Variants in NINJ2 observed in about 807,000 individuals in gnomAD.
NINJ2 encodes the protein ninjurin-2.
Under a neutral mutation model 11.7 loss-of-function variants are expected in NINJ2, and 12 were observed. The observed-to-expected ratio is 1.02, with a 90% CI of 0.66 to 1.66. The LOEUF (loss-of-function observed/expected upper bound fraction) is 1.66, where lower values mean the gene tolerates loss of function less well. Among genes scored for constraint, NINJ2 ranks in the 40% most tolerant of loss-of-function variants. NINJ2 has a pLI of 0.00. For missense variants in NINJ2, 187 were observed against 181.8 expected, an observed-to-expected ratio of 1.03 and a Z score of -0.16; for synonymous variants, 93 against 76.8, an observed-to-expected ratio of 1.21 and a Z score of -1.10.
At chr12:657,988 C>CTTTTT (rs1164230214) in intron 1 of NINJ2, among the ~76,000 whole-genome samples, 8 of 54,398 alleles carry the variant, frequency 1.5e-4, no homozygotes, top group Admixed American at 3.0e-4. Flanking sequence ...CCTACACAGG[C>CTTTTT]TTTTTTTTTT....
At chr12:589,798 C>A (rs1046318952) in intron 1 of NINJ2, among the ~76,000 whole-genome samples, 3 of 151,764 alleles carry the variant, frequency 2.0e-5, no homozygotes, top group Non-Finnish European at 4.4e-5. Context: ...GGCTCCTGCT[C>A]TCAAGAAACT....
At chr12:599,452 T>C (rs1947835862) in intron 1 of NINJ2, among the ~76,000 whole-genome samples, 2 of 152,034 alleles carry the variant, frequency 1.3e-5, no homozygotes, top group Admixed American at 1.3e-4. Context: ...ATCTTAGACA[T>C]TTGAGGGGGT....
chr12:615,022 G>A lies in NINJ2; in HGVS notation c.33+48306C>T, dbSNP rs963961117. Among the ~76,000 whole-genome samples the A allele has an allele frequency of 2.6e-5, 4 of 152,162 alleles. 1 individual carries two copies. In the South Asian group the frequency reaches 6.2e-4, roughly 24 times the overall value. ...CACAGGAGGATTCTGCACTCCCATG[G>A]TCTCTCTGAAGAGTCGGGAGAGCGG... is the stretch of plus-strand genomic sequence containing the variant. On this transcript the variant is annotated intron_variant, in intron 1 of 3. Coordinates refer to ENST00000305108, the MANE Select transcript of NINJ2 (RefSeq NM_016533.6).
intron 1 of NINJ2, among the ~76,000 whole-genome samples, chr12:635,248 G>T (rs1469589137): frequency 6.6e-6 from 1 of 151,988 alleles, no homozygotes; most frequent in South Asian, 2.1e-4. Context: ...ACAGGGTTTC[G>T]CCATGTTGGC....
In NINJ2 at chr12:638,854, T is replaced by C. The variant is rs377648838; in HGVS notation, c.33+24474A>G. Among the ~76,000 whole-genome samples, 105 of 152,356 alleles carry C rather than the reference T, an allele frequency of 6.9e-4. 1 individual carries two copies. In the South Asian group the frequency reaches 0.015, roughly 22 times the overall value. ...ATGCTCCACCCTGCTTTAGCACCTA[T>C]GTTCCCTCCCACATCCAGTACACAG... is the stretch of plus-strand genomic sequence containing the variant. On this transcript the variant is annotated intron_variant, in intron 1 of 3. Transcript: ENST00000305108.
chr12:611,253 C>T (rs751024214), intron 1 of NINJ2, among the ~76,000 whole-genome samples: 10,702 of 83,192 alleles, frequency 0.13, 515 homozygotes, highest in Middle Eastern at 0.21. Context: ...CTTTCTCTCT[C>T]TCTCTTTCTT....
At position 581,518 on chromosome 12, in the gene NINJ2, A is replaced by G. The variant is rs1029806852; in HGVS notation, c.34-15340T>C. ...TTTTCCCTGCCAGCAAAGCAGGTCCAGCCTGGATCCTCATACCGGGGCTCT... is the reference window on the plus strand; with the variant it reads ...TTTTCCCTGCCAGCAAAGCAGGTCCGGCCTGGATCCTCATACCGGGGCTCT... On this transcript the variant is annotated intron_variant, in intron 1 of 3. Coordinates refer to ENST00000305108, the MANE Select transcript of NINJ2 (RefSeq NM_016533.6). This position sits in a 1 kb window ranked among gnomAD's most constrained non-coding sequence, Gnocchi z 4.9. Among the ~76,000 whole-genome samples, 1 of 152,178 alleles carries G rather than the reference A, an allele frequency of 6.6e-6. No individual in the cohort carries two copies. The highest frequency in any genetic ancestry group is 6.5e-5 in the Admixed American group (1 of 15,278).
chr12:635,271 G>C (rs576625590), intron 1 of NINJ2, among the ~76,000 whole-genome samples: 1 of 152,130 alleles, frequency 6.6e-6, no homozygotes, highest in Admixed American at 6.5e-5. Flanking sequence ...GGCTGGTCTT[G>C]AACTCCTGAC....
intron 1 of NINJ2, among the ~76,000 whole-genome samples, chr12:620,518 A>C (rs1030731155): frequency 5.9e-5 from 9 of 152,262 alleles, no homozygotes; most frequent in African/African-American, 2.2e-4. Context: ...AAAAAGTATT[A>C]CTGAATGCAT....
intron 1 of NINJ2, among the ~76,000 whole-genome samples, chr12:569,559 C>G (rs1347730311): frequency 6.6e-6 from 1 of 152,176 alleles, no homozygotes; most frequent in East Asian, 1.9e-4. Context: ...AGACCCCCTT[C>G]CCCCCAAATG....
At position 627,790 on chromosome 12, in the gene NINJ2, C is replaced by T. The variant is rs773816935; in HGVS notation, c.33+35538G>A. ...TGGAGCTGGGCACAGTGGCGCATGCCTGTAATCCCTGGGCACAGTGGTGCA... is the reference window on the plus strand; with the variant it reads ...TGGAGCTGGGCACAGTGGCGCATGCTTGTAATCCCTGGGCACAGTGGTGCA... On this transcript the variant is annotated intron_variant, in intron 1 of 3. Transcript: ENST00000305108. Among the ~76,000 whole-genome samples the T allele has an allele frequency of 1.2e-4, 18 of 152,332 alleles. 1 individual carries two copies. In the South Asian group the frequency reaches 3.7e-3, roughly 32 times the overall value.
rs1336672163 is a variant in NINJ2 at position 633,815 on chromosome 12, A to C, written c.33+29513T>G. On this transcript the variant is annotated intron_variant, in intron 1 of 3. Coordinates refer to ENST00000305108, the MANE Select transcript of NINJ2 (RefSeq NM_016533.6). The surrounding 1 kb of genome is among the most constrained non-coding windows in gnomAD (Gnocchi z 4.3). Reference sequence around the variant, plus strand: ...GGGTAACAGAGTGAGATTGTGTAAAAAAAACAAACCACTTTAGAGTTTTCC... The same window carrying C: ...GGGTAACAGAGTGAGATTGTGTAAACAAAACAAACCACTTTAGAGTTTTCC... Among the ~76,000 whole-genome samples, 1 of 152,150 alleles carries C rather than the reference A, an allele frequency of 6.6e-6. No individual in the cohort carries two copies. The highest frequency in any genetic ancestry group is 1.5e-5 in the Non-Finnish European group (1 of 68,024).
intron 1 of NINJ2, among the ~76,000 whole-genome samples, chr12:576,180 C>T (rs1290636553): frequency 6.6e-6 from 1 of 152,232 alleles, no homozygotes; most frequent in Non-Finnish European, 1.5e-5. Context: ...AGTTCCAGCC[C>T]TTGCCCCGAG....
chr12:655,857 G>A (rs1937865557), intron 1 of NINJ2, among the ~76,000 whole-genome samples: 1 of 151,988 alleles, frequency 6.6e-6, no homozygotes, highest in Non-Finnish European at 1.5e-5. Flanking sequence ...AGTTTGCAGT[G>A]AGCTGAGATT....
chr12:602,944 C>T (rs1947890969), intron 1 of NINJ2, among the ~76,000 whole-genome samples: 1 of 152,056 alleles, frequency 6.6e-6, no homozygotes. Flanking sequence ...GTGATCCTCC[C>T]ACCCCAACCT....
intron 1 of NINJ2, 117 bp downstream of exon 1, chr12:663,211 T>C (rs1310139188): frequency 5.8e-6 from 5 of 863,040 alleles, no homozygotes; most frequent in African/African-American, 1.7e-5. Context: ...GAGAAGGGAG[T>C]GAGTAAGAAG....
chr12:635,607 G>A (rs1355937748), intron 1 of NINJ2, among the ~76,000 whole-genome samples: 1 of 152,166 alleles, frequency 6.6e-6, no homozygotes, highest in African/African-American at 2.4e-5. Flanking sequence ...ACCTAAACTT[G>A]AGAGTTAACA....
Position 585,523 on chromosome 12 carries a change from AAGGGAAC to A in NINJ2, c.34-19352_34-19346del, listed in dbSNP as rs1947623134. 6.6e-6 allele frequency among the ~76,000 whole-genome samples: 1 copy of A among 151,006 alleles called. No homozygotes were observed. The highest frequency in any genetic ancestry group is 1.5e-5 in the Non-Finnish European group (1 of 67,694). On this transcript the variant is annotated intron_variant, in intron 1 of 3. Transcript: ENST00000305108. This position sits in a 1 kb window ranked among gnomAD's most constrained non-coding sequence, Gnocchi z 4.1. ...GGAAGGGAACGGTTGGAGGGAAGGG[AAGGGAAC>A]GGTTGGAGGGAAGGGAAGGGAACGG...
At chr12:588,845 G>C (rs1172215938) in intron 1 of NINJ2, among the ~76,000 whole-genome samples, 1 of 152,192 alleles carries the variant, frequency 6.6e-6, no homozygotes. Flanking sequence ...GATTGGCGAA[G>C]ACTTAAGAGA....
Sources: allele counts gnomAD v4.1 joint callset (sites outside exome capture counted in the v4.1 genomes callset), GRCh38; gene constraint gnomAD v4.1.1; non-coding constraint Gnocchi (gnomAD v3.1); transcripts MANE v1.5; gene names NCBI Gene and HGNC (gene_info 2026-07-23, HGNC 2026-07-21).